Variants in FHDC1 observed in about 807,000 individuals in gnomAD.
The protein encoded by FHDC1 is FH2 domain containing 1, also known as FH2 domain-containing protein 1.
In FHDC1, 25 loss-of-function variants were observed where a neutral mutation model predicts 52.6. That is an observed-to-expected ratio of 0.48 (90% confidence interval 0.35 to 0.66). FHDC1 has a LOEUF of 0.66. FHDC1 is among the 30% of genes least tolerant of loss of function. The probability of loss-of-function intolerance (pLI) is 0.01; values close to 1 mark genes in which losing one functional copy is unlikely to be tolerated. For missense variants in FHDC1, 1,459 were observed against 1,452.8 expected (o/e 1.00, Z -0.07); for synonymous variants, 616 against 581.5 (o/e 1.06, Z -0.85).
intron 4 of FHDC1, among the ~76,000 whole-genome samples, chr4:152,956,546 G>A (rs921597199): frequency 1.7e-4 from 26 of 152,152 alleles, no homozygotes; most frequent in African/African-American, 6.0e-4. Flanking sequence ...TGGGTTGTGT[G>A]GGGGTATAAT....
chr4:152,911,369 T>C, the FHDC1 span: 1 of 152,538 alleles, frequency 6.6e-6, no homozygotes, highest in South Asian at 2.1e-4. Context: ...GATTCTTTGA[T>C]TTGGGTAATG....
At chr4:152,951,216 A>G (rs1188023713) in intron 2 of FHDC1, among the ~76,000 whole-genome samples, 1 of 152,238 alleles carries the variant, frequency 6.6e-6, no homozygotes, top group Non-Finnish European at 1.5e-5. Flanking sequence ...GTGTAACTAT[A>G]TCAACATACA....
chr4:152,964,054 C>G (rs1740378933), intron 8 of FHDC1, among the ~76,000 whole-genome samples: 1 of 151,974 alleles, frequency 6.6e-6, no homozygotes, highest in African/African-American at 2.4e-5. Flanking sequence ...TTTGCTAGCT[C>G]TACTTCCTCA....
At chr4:152,958,352 CCTTT>C (rs889209878) in intron 4 of FHDC1, among the ~76,000 whole-genome samples, 5 of 152,130 alleles carry the variant, frequency 3.3e-5, no homozygotes, top group Non-Finnish European at 7.4e-5. Context: ...GGTCTGTTCA[CCTTT>C]CTTTTTTACT....
chr4:152,975,383 C>CT lies in FHDC1; in HGVS notation c.2093dup (p.Ser699GlufsTer2). 2 of 1,613,716 alleles carry CT rather than the reference C, an allele frequency of 1.2e-6. No individual in the cohort carries two copies. Among genetic ancestry groups the CT allele is most frequent in the Non-Finnish European group, 8.5e-7 (1 of 1,180,026 alleles). On this transcript the variant is annotated frameshift_variant, in exon 12 of 12. Coordinates refer to ENST00000511601, the MANE Select transcript of FHDC1 (RefSeq NM_001371116.1). LOFTEE classifies it low-confidence loss of function (END_TRUNC). Reference sequence around the variant, plus strand: ...CATGGAGGAGACCTCCCAGCTGACTCTGAGTGACTTCAGCCCGATGGAGCT... The same window carrying CT: ...CATGGAGGAGACCTCCCAGCTGACTCTTGAGTGACTTCAGCCCGATGGAGCT...
the FHDC1 span, chr4:152,927,981 A>T: frequency 6.1e-6 from 9 of 1,487,538 alleles, no homozygotes; most frequent in Non-Finnish European, 8.4e-6. Context: ...GAGCCAGATG[A>T]CAAGAATCAA....
intron 10 of FHDC1, 101 bp from the exon 11 acceptor site, chr4:152,972,276 G>A (rs1299217027): frequency 1.6e-6 from 2 of 1,221,496 alleles, no homozygotes; most frequent in Non-Finnish European, 2.2e-6. Flanking sequence ...GACCTGAAAT[G>A]AAACCCCAGA....
At chr4:152,966,190 G>A (rs1579099541) in intron 9 of FHDC1, among the ~76,000 whole-genome samples, 1 of 152,168 alleles carries the variant, frequency 6.6e-6, no homozygotes, top group East Asian at 1.9e-4. Flanking sequence ...GGCGTTTCTG[G>A]TCAGAGCTGG....
Position 152,967,697 on chromosome 4 carries a change from C to G in FHDC1, c.1101-283C>G, listed in dbSNP as rs112785891. The stretch of plus-strand genomic sequence containing the variant: ...GCTTATTGCATAAAGGTGTTCAGAG[C>G]TAGTTTATGAAAACGTTTGCAGATC... On this transcript the variant is annotated intron_variant, in intron 9 of 11. Transcript: ENST00000511601. 4.6e-3 allele frequency among the ~76,000 whole-genome samples: 705 copies of G among 152,326 alleles called. 11 individuals are homozygous for G. Among genetic ancestry groups the G allele is most frequent in the African/African-American group, 0.016 (677 of 41,568 alleles).
At chr4:152,952,496 C>A (rs1324724780) in intron 2 of FHDC1, among the ~76,000 whole-genome samples, 1 of 151,722 alleles carries the variant, frequency 6.6e-6, no homozygotes, top group Non-Finnish European at 1.5e-5. Flanking sequence ...AACCATGAAT[C>A]AAAAATATTC....
intron 10 of FHDC1, among the ~76,000 whole-genome samples, chr4:152,969,345 A>G (rs1312740613): frequency 6.6e-6 from 1 of 152,196 alleles, no homozygotes. Flanking sequence ...TTTTATTATT[A>G]AACATGTGCT....
At chr4:152,945,761 C>G (rs1475898657) in intron 2 of FHDC1, among the ~76,000 whole-genome samples, 1 of 152,062 alleles carries the variant, frequency 6.6e-6, no homozygotes, top group Non-Finnish European at 1.5e-5. Context: ...CTGGCCTAAC[C>G]ATTTTTAAAC....
chr4:152,940,214 A>C (rs1431561974), intron 1 of FHDC1, among the ~76,000 whole-genome samples: 1 of 152,232 alleles, frequency 6.6e-6, no homozygotes, highest in African/African-American at 2.4e-5. Context: ...AGGTAGTAAA[A>C]GCATTAGCGT....
In FHDC1 at chr4:152,976,353, C is replaced by T. The variant is rs1740882941; in HGVS notation, c.3062C>T (p.Ser1021Leu). 1 of 1,613,710 alleles carries T rather than the reference C, an allele frequency of 6.2e-7. No individual in the cohort carries two copies. The highest frequency in any genetic ancestry group is 1.3e-5 in the African/African-American group (1 of 74,946). ...CCCAAAGAAGAGCCCAAGACCCCGTCAGTGCCCAGCGTCCCCCACGAACTA... is the reference window on the plus strand; with the variant it reads ...CCCAAAGAAGAGCCCAAGACCCCGTTAGTGCCCAGCGTCCCCCACGAACTA... ...ESPKEEPKTP[S>L]VPSVPHELPR... is the part of the protein sequence containing the mutation. The change falls in exon 12 of 12, where the codon TCA becomes TTA. Residue 1021 changes from serine to leucine, a missense_variant. Ser to Leu is a moderately radical substitution (Grantham distance 145). Around this residue, in one of 3 missense-constraint regions of FHDC1, gnomAD observed 939 missense variants for 854.5 expected, o/e 1.10. Transcript: ENST00000511601.
chr4:152,957,876 G>C lies in FHDC1; in HGVS notation c.664-2689G>C, dbSNP rs184414553. On this transcript the variant is annotated intron_variant, in intron 4 of 11. Coordinates refer to ENST00000511601, the MANE Select transcript of FHDC1 (RefSeq NM_001371116.1). ...AAGGTGGGCCCAGAAATGAAACTCT[G>C]GGAGTGTGTTCTTGTCCAGCACGGA... 3.3e-5 allele frequency among the ~76,000 whole-genome samples: 5 copies of C among 152,270 alleles called. No homozygotes were observed. The East Asian group carries it at 9.6e-4, about 29-fold the overall frequency.
At position 152,943,406 on chromosome 4, in the gene FHDC1, T is replaced by C; in HGVS notation, c.349T>C (p.Trp117Arg). 6.2e-7 allele frequency: 1 copy of C among 1,614,056 alleles called. No individual in the cohort carries two copies. The highest frequency in any genetic ancestry group is 1.3e-5 in the African/African-American group (1 of 75,002). ...GCAAGTTCGAGGCAAAACCAACATCTGGACCTTGGCAGCCAGGCAGGAACA... is the reference window on the plus strand; with the variant it reads ...GCAAGTTCGAGGCAAAACCAACATCCGGACCTTGGCAGCCAGGCAGGAACA... ...EEQVRGKTNI[W>R]TLAARQEHHY... The change falls in exon 2 of 12, where the codon TGG (tryptophan) becomes CGG (arginine). Residue 117 changes from tryptophan to arginine, a missense_variant. Physicochemically the swap from Trp to Arg is moderately radical, Grantham distance 101 (BLOSUM62 -3). Transcript: ENST00000511601.
rs760112824 is a variant in FHDC1, at chr4:152,975,122, GC to G, written c.1836del (p.Asn613ThrfsTer41). ...TCAGGCCTCGGGGGGCCAGGAGGAG[GC>G]CCCCAACCCACCCTCAGCACAGGCG... Reference protein sequence around the residue: ...KPQASGGQEEAPNPPSAQAHQ... With the variant: ...KPQASGGQEEXPNPPSAQAHQ... On this transcript the variant is annotated frameshift_variant, in exon 12 of 12. Transcript: ENST00000511601. LOFTEE classifies it low-confidence loss of function (END_TRUNC). 6.2e-7 allele frequency: 1 copy of G among 1,612,682 alleles called. No individual in the cohort carries two copies. Among genetic ancestry groups the G allele is most frequent in the Non-Finnish European group, 8.5e-7 (1 of 1,179,996 alleles).
chr4:152,924,572 G>T, the FHDC1 span, among the ~76,000 whole-genome samples: 1 of 152,198 alleles, frequency 6.6e-6, no homozygotes, highest in African/African-American at 2.4e-5. Context: ...TATGTTTATT[G>T]CGGCACTATT....
the FHDC1 span, among the ~76,000 whole-genome samples, chr4:152,918,782 C>T: frequency 1.1e-4 from 16 of 152,214 alleles, no homozygotes; most frequent in African/African-American, 3.9e-4. Flanking sequence ...CACCTAAAAT[C>T]TTATGATACC....
Sources: allele counts gnomAD v4.1 joint callset (sites outside exome capture counted in the v4.1 genomes callset), GRCh38; gene constraint gnomAD v4.1.1; regional missense constraint gnomAD v4.1.1; transcripts MANE v1.5; gene names NCBI Gene and HGNC (gene_info 2026-07-23, HGNC 2026-07-21).